The following RGS6 variants were observed in gnomAD, a reference collection of about 807,000 sequenced individuals.
RGS6 encodes regulator of G-protein signaling 6.
Under a neutral mutation model 78.5 loss-of-function variants are expected in RGS6, and 30 were observed. The observed-to-expected ratio is 0.38, with a 90% CI of 0.29 to 0.52. RGS6 has a LOEUF of 0.52. Among genes scored for constraint, RGS6 ranks in the 20% least tolerant of loss-of-function variants. The probability of loss-of-function intolerance (pLI) is 0.85; values close to 1 mark genes in which losing one functional copy is unlikely to be tolerated. For synonymous variants in RGS6, 206 were observed against 206.0 expected (o/e 1.00, Z 0.00); for missense variants, 495 against 609.7 (o/e 0.81, Z 1.98).
chr14:72,106,359 T>C (rs982198163), intron 2 of RGS6, among the ~76,000 whole-genome samples: 4 of 152,148 alleles, frequency 2.6e-5, no homozygotes, highest in Non-Finnish European at 5.9e-5. Context: ...CAGTGGAGAT[T>C]TACTAAATCA....
At chr14:72,547,005 C>T (rs1413439530) in intron 17 of RGS6, among the ~76,000 whole-genome samples, 1 of 152,200 alleles carries the variant, frequency 6.6e-6, no homozygotes, top group African/African-American at 2.4e-5. Context: ...CAGTCAGACC[C>T]CAGTGCCATC....
chr14:72,460,537 C>A (rs56388096), intron 6 of RGS6, among the ~76,000 whole-genome samples: 368 of 152,294 alleles, frequency 2.4e-3, no homozygotes, highest in Non-Finnish European at 4.2e-3. Flanking sequence ...CAGACACTCA[C>A]TAGAGGGAGC....
At chr14:72,569,646 G>A (rs999262492), downstream of RGS6, among the ~76,000 whole-genome samples, 1 of 151,904 alleles carries the variant, frequency 6.6e-6, no homozygotes. Flanking sequence ...CACAGTTGCT[G>A]GCTGGGCGAC....
intron 2 of RGS6, among the ~76,000 whole-genome samples, chr14:72,100,898 C>G (rs2095515336): frequency 6.6e-6 from 1 of 152,194 alleles, no homozygotes; most frequent in South Asian, 2.1e-4. Context: ...GTGACTCATG[C>G]CTGTAATCCC....
intron 3 of RGS6, among the ~76,000 whole-genome samples, chr14:72,402,684 A>G (rs760212044): frequency 6.6e-6 from 1 of 152,158 alleles, no homozygotes; most frequent in African/African-American, 2.4e-5. Context: ...ACTATGGAGA[A>G]TAGTATGGCG....
At chr14:71,900,321 T>C in the RGS6 span, among the ~76,000 whole-genome samples, 1 of 152,314 alleles carries the variant, frequency 6.6e-6, no homozygotes, top group Middle Eastern at 3.4e-3. Flanking sequence ...TAATTACCGC[T>C]TTTTTATCAG....
At chr14:72,127,988 G>T (rs1040526192) in intron 2 of RGS6, among the ~76,000 whole-genome samples, 1 of 151,994 alleles carries the variant, frequency 6.6e-6, no homozygotes, top group African/African-American at 2.4e-5. Flanking sequence ...GTTGTTGCAC[G>T]TATCAAGGGC....
intron 2 of RGS6, among the ~76,000 whole-genome samples, chr14:72,052,941 C>A (rs1216436402): frequency 3.3e-5 from 1 of 30,544 alleles, no homozygotes; most frequent in Admixed American, 4.0e-4. Flanking sequence ...TTCTTTCTTT[C>A]TTTCTTTCTT....
chr14:72,541,107 G>A (rs780977538), intron 17 of RGS6: 53 of 1,361,430 alleles, frequency 3.9e-5, no homozygotes, highest in Non-Finnish European at 5.1e-5. Context: ...AGGGAACCAG[G>A]GAGCAGGGTC....
chr14:72,303,165 C>T (rs2066490965), intron 2 of RGS6, among the ~76,000 whole-genome samples: 1 of 152,138 alleles, frequency 6.6e-6, no homozygotes. Context: ...GTTATTTGCC[C>T]TTGCTTTTCA....
intron 3 of RGS6, among the ~76,000 whole-genome samples, chr14:72,419,482 C>T (rs964726507): frequency 1.3e-5 from 2 of 152,172 alleles, no homozygotes; most frequent in Non-Finnish European, 2.9e-5. Flanking sequence ...AGAGACAGTG[C>T]GGGTATACCA....
At chr14:72,551,045 A>G (rs528422862) in intron 17 of RGS6, among the ~76,000 whole-genome samples, 98 of 152,256 alleles carry the variant, frequency 6.4e-4, no homozygotes, top group African/African-American at 2.2e-3. Context: ...TCACCATGTC[A>G]GCCAGGCTGG....
intron 3 of RGS6, among the ~76,000 whole-genome samples, chr14:72,425,903 C>T (rs538254384): frequency 9.8e-4 from 149 of 152,152 alleles, no homozygotes; most frequent in Admixed American, 2.8e-3. Context: ...GGAAGTGATA[C>T]GCTATCGTAC....
At chr14:72,174,116 CT>C (rs5809561) in intron 2 of RGS6, among the ~76,000 whole-genome samples, 121,344 of 151,890 alleles carry the variant, frequency 0.8, 48,770 homozygotes, top group Non-Finnish European at 0.84. Context: ...ACATTGGATT[CT>C]TTTTTTTTGA....
At chr14:72,554,904 C>T (rs576480258) in intron 17 of RGS6, among the ~76,000 whole-genome samples, 68 of 152,350 alleles carry the variant, frequency 4.5e-4, no homozygotes, top group African/African-American at 1.6e-3. Flanking sequence ...CCTTGTCTCT[C>T]CCACCATCCC....
At chr14:72,415,720 A>C (rs1335900752) in intron 3 of RGS6, among the ~76,000 whole-genome samples, 1 of 152,240 alleles carries the variant, frequency 6.6e-6, no homozygotes, top group Non-Finnish European at 1.5e-5. Context: ...CCTGATATGC[A>C]CAACATTGGC....
At chr14:71,956,553 C>A (rs1278979875) in intron 1 of RGS6, among the ~76,000 whole-genome samples, 1 of 152,038 alleles carries the variant, frequency 6.6e-6, no homozygotes, top group Non-Finnish European at 1.5e-5. Flanking sequence ...GGGCAGGAAG[C>A]ATCCAGCAAG....
intron 2 of RGS6, among the ~76,000 whole-genome samples, chr14:72,073,955 A>G (rs375585361): frequency 2.0e-5 from 3 of 152,232 alleles, no homozygotes; most frequent in African/African-American, 4.8e-5. Context: ...TACTAAGCCC[A>G]CTTTGGTGTT....
intron 2 of RGS6, among the ~76,000 whole-genome samples, chr14:72,171,867 T>G (rs547191685): frequency 1.3e-5 from 2 of 152,342 alleles, no homozygotes; most frequent in Admixed American, 1.3e-4. Flanking sequence ...TATACCACTT[T>G]GCTGAGGAGG....
Sources: allele counts gnomAD v4.1 joint callset (sites outside exome capture counted in the v4.1 genomes callset), GRCh38; gene constraint gnomAD v4.1.1; transcripts MANE v1.5; gene names NCBI Gene and HGNC (gene_info 2026-07-23, HGNC 2026-07-21).